Variants in CSMD1 observed in about 807,000 individuals in gnomAD.
CSMD1 encodes CUB and sushi domain-containing protein 1.
A neutral mutation model predicts 417.5 loss-of-function variants in CSMD1; 213 were observed. That is an observed-to-expected ratio of 0.51 (90% CI 0.46 to 0.57). CSMD1 has a LOEUF of 0.57. CSMD1 is among the 20% of genes least tolerant of loss of function. CSMD1 has a pLI of 0.00. For missense variants in CSMD1, 6,923 were observed against 4,529.7 expected, an observed-to-expected ratio of 1.53 and a Z score of -15.17; for synonymous variants, 2,862 against 1,736.8, an observed-to-expected ratio of 1.65 and a Z score of -16.11.
chr8:4,730,937 G>T (rs538129377), intron 1 of CSMD1, among the ~76,000 whole-genome samples: 110 of 151,988 alleles, frequency 7.2e-4, no homozygotes, highest in Middle Eastern at 3.2e-3. Context: ...AGGCAACCAG[G>T]GCCAGTGTTC....
chr8:3,545,745 G>T (rs141309160), intron 10 of CSMD1, among the ~76,000 whole-genome samples: 503 of 152,266 alleles, frequency 3.3e-3, no homozygotes, highest in African/African-American at 0.011. Context: ...ATTTTAAAGG[G>T]CTACTGGAAT....
chr8:4,362,087 A>G (rs1219769774), intron 3 of CSMD1, among the ~76,000 whole-genome samples: 2 of 152,226 alleles, frequency 1.3e-5, no homozygotes, highest in East Asian at 1.9e-4. Flanking sequence ...AATTTAATTG[A>G]TATACAAATG....
intron 1 of CSMD1, among the ~76,000 whole-genome samples, chr8:4,801,387 G>C (rs751040029): frequency 6.6e-6 from 1 of 152,008 alleles, no homozygotes; most frequent in Non-Finnish European, 1.5e-5. Context: ...GATTCAAAGT[G>C]AGAGACACCC....
intron 26 of CSMD1, among the ~76,000 whole-genome samples, chr8:3,281,023 C>G (rs1291532913): frequency 6.6e-6 from 1 of 152,176 alleles, no homozygotes; most frequent in African/African-American, 2.4e-5. Context: ...GAACCCTCTT[C>G]TTAGGTATCT....
At chr8:3,737,818 A>G (rs1796600216) in intron 6 of CSMD1, among the ~76,000 whole-genome samples, 1 of 152,258 alleles carries the variant, frequency 6.6e-6, no homozygotes, top group Non-Finnish European at 1.5e-5. Flanking sequence ...CCAAGATGGT[A>G]GTATTTAAAA....
intron 37 of CSMD1, among the ~76,000 whole-genome samples, chr8:3,177,826 A>C (rs1051695710): frequency 6.6e-6 from 1 of 152,112 alleles, no homozygotes; most frequent in African/African-American, 2.4e-5. Context: ...AGGCTTTGTA[A>C]TTTCCAGGAT....
At chr8:3,240,309 ACT>A in intron 26 of CSMD1, among the ~76,000 whole-genome samples, 1 of 152,194 alleles carries the variant, frequency 6.6e-6, no homozygotes, top group African/African-American at 2.4e-5. Flanking sequence ...TGGGGAAAGG[ACT>A]TAGGATCTAT....
intron 12 of CSMD1, among the ~76,000 whole-genome samples, chr8:3,445,055 A>G (rs28711878): frequency 0.095 from 14,512 of 152,264 alleles, 828 homozygotes; most frequent in African/African-American, 0.15. Flanking sequence ...TGGAGATGCA[A>G]TCGGCAAAAT....
intron 1 of CSMD1, among the ~76,000 whole-genome samples, chr8:4,838,034 G>A (rs1800605530): frequency 6.6e-6 from 1 of 152,202 alleles, no homozygotes; most frequent in African/African-American, 2.4e-5. Flanking sequence ...GCTAACTGCA[G>A]GCAAGGCAGT....
intron 3 of CSMD1, among the ~76,000 whole-genome samples, chr8:4,187,067 T>A (rs1360846101): frequency 6.6e-6 from 1 of 152,180 alleles, no homozygotes; most frequent in Non-Finnish European, 1.5e-5. Flanking sequence ...TTTGCTCAAA[T>A]TGAAACAAAC....
chr8:4,424,861 T>C (rs893760936), intron 2 of CSMD1, among the ~76,000 whole-genome samples: 1 of 152,072 alleles, frequency 6.6e-6, no homozygotes, highest in Non-Finnish European at 1.5e-5. Flanking sequence ...CAGAAACTCT[T>C]TGTATAATTT....
chr8:4,488,997 G>T (rs996782505), intron 2 of CSMD1, among the ~76,000 whole-genome samples: 3 of 152,104 alleles, frequency 2.0e-5, no homozygotes, highest in Non-Finnish European at 2.9e-5. Flanking sequence ...CTGCACGTCC[G>T]CCTCCCAGCT....
chr8:4,088,445 T>A (rs942519131), intron 3 of CSMD1, among the ~76,000 whole-genome samples: 1 of 152,238 alleles, frequency 6.6e-6, no homozygotes, highest in Non-Finnish European at 1.5e-5. Context: ...TCTCAGCCTC[T>A]GTCTCTCTCT....
At chr8:3,896,292 C>G (rs1295853142) in intron 5 of CSMD1, among the ~76,000 whole-genome samples, 1 of 152,116 alleles carries the variant, frequency 6.6e-6, no homozygotes, top group Non-Finnish European at 1.5e-5. Context: ...GTGACATCGC[C>G]TTGGGAAAAA....
chr8:3,353,614 G>GA (rs1808556756), intron 21 of CSMD1, among the ~76,000 whole-genome samples: 1 of 152,096 alleles, frequency 6.6e-6, no homozygotes, highest in South Asian at 2.1e-4. Context: ...CAAGTGCTCA[G>GA]AAAATCACAA....
intron 52 of CSMD1, among the ~76,000 whole-genome samples, chr8:3,015,003 T>C (rs990461183): frequency 1.3e-5 from 2 of 152,100 alleles, no homozygotes; most frequent in Non-Finnish European, 2.9e-5. Flanking sequence ...ACACACCGTA[T>C]GTGTGTAACG....
chr8:4,121,495 C>G (rs1039983820), intron 3 of CSMD1, among the ~76,000 whole-genome samples: 1 of 152,028 alleles, frequency 6.6e-6, no homozygotes, highest in African/African-American at 2.4e-5. Flanking sequence ...CTATTTCTCA[C>G]TATAATAATA....
chr8:4,101,629 C>G (rs1340841298), intron 3 of CSMD1, among the ~76,000 whole-genome samples: 1 of 152,102 alleles, frequency 6.6e-6, no homozygotes, highest in East Asian at 1.9e-4. Flanking sequence ...TCTGAAGTAC[C>G]TTGGCTCATT....
At position 3,754,060 on chromosome 8, in the gene CSMD1, G is replaced by A; in HGVS notation, c.819-18C>T. The A allele has an allele frequency of 1.9e-6, 3 of 1,552,196 alleles. No individual in the cohort carries two copies. Among genetic ancestry groups the A allele is most frequent in the Admixed American group, 1.7e-5 (1 of 58,178 alleles). ...CAGTTAGCCTAGAGAAGAGAAAGAG[G>A]AAAAAAATCTCCCTTGTAAACCAAC... On this transcript the variant is annotated intron_variant, in intron 5 of 69. Coordinates refer to ENST00000635120, the MANE Select transcript of CSMD1 (RefSeq NM_033225.6).
Sources: gnomAD v4.1 joint callset for allele counts (sites outside exome capture counted in the v4.1 genomes callset) on GRCh38, gnomAD v4.1.1 for gene constraint, MANE v1.5 for transcripts, NCBI Gene and HGNC (gene_info 2026-07-23, HGNC 2026-07-21) for gene names.